The following SLC6A12 variants were observed in gnomAD, a reference collection of about 807,000 sequenced individuals.
SLC6A12 encodes the protein sodium- and chloride-dependent betaine transporter.
SLC6A12 carries 50 observed loss-of-function variants against 73.3 expected under a neutral mutation model. The observed-to-expected ratio is 0.68, with a 90% CI of 0.54 to 0.86. The LOEUF is 0.86. Ranked by LOEUF, SLC6A12 falls within the 40% of genes least tolerant of loss-of-function variation. The probability of loss-of-function intolerance (pLI) is 0.00; values close to 1 mark genes in which losing one functional copy is unlikely to be tolerated. For missense variants in SLC6A12, 648 were observed against 772.8 expected, an observed-to-expected ratio of 0.84 and a Z score of 1.92; for synonymous variants, 304 against 309.2, an observed-to-expected ratio of 0.98 and a Z score of 0.18.
intron 14 of SLC6A12, among the ~76,000 whole-genome samples, 169 bp from the exon 15 acceptor site, chr12:192,817 AGACGGAGACAGGAGGC>A (rs1167203392): frequency 6.0e-5 from 9 of 151,060 alleles, no homozygotes; most frequent in Admixed American, 3.3e-4. Context: ...TTCACATCAC[AGACGGAGACAGGAGGC>A]GATACAAAGG....
chr12:206,619 G>A (rs774327270), intron 3 of SLC6A12, among the ~76,000 whole-genome samples: 2 of 152,206 alleles, frequency 1.3e-5, no homozygotes, highest in Non-Finnish European at 2.9e-5. Flanking sequence ...TTGTCTTCTG[G>A]ATCCCAGGGA....
rs1452680989 is a variant in SLC6A12 at position 197,985 on chromosome 12, T to C, written c.865A>G (p.Thr289Ala). ...ATGGCAAAGGAGAAGAAGATCTGGG[T>C]GCCCGCATCCATCCACACCTACACA... ...KDPQVWMDAG[T>A]QIFFSFAICQ... The change falls in exon 9 of 16, where the codon ACC becomes GCC. Residue 289 changes from threonine to alanine, a missense_variant. Coordinates refer to ENST00000684302, the MANE Select transcript of SLC6A12 (RefSeq NM_001122848.3). 3.7e-6 allele frequency: 6 copies of C among 1,612,814 alleles called. No individual in the cohort carries two copies. Among genetic ancestry groups the C allele is most frequent in the African/African-American group, 1.3e-5 (1 of 74,398 alleles).
At chr12:208,258 C>A (rs1940747898) in intron 3 of SLC6A12, among the ~76,000 whole-genome samples, 1 of 152,304 alleles carries the variant, frequency 6.6e-6, no homozygotes, top group East Asian at 1.9e-4. Context: ...ATCTTGCCTC[C>A]CCTGACTTTC....
In SLC6A12 at chr12:196,214, G is replaced by A. The variant is rs902947194; in HGVS notation, c.1236C>T (p.Pro412=). 6 of 1,600,444 alleles carry A rather than the reference G, an allele frequency of 3.7e-6. No homozygotes were observed. The highest frequency in any genetic ancestry group is 5.1e-6 in the Non-Finnish European group (6 of 1,174,866). The change falls in exon 12 of 16, where the codon CCC becomes CCT. Residue 412 remains proline (P), a synonymous_variant. Coordinates refer to ENST00000684302, the MANE Select transcript of SLC6A12 (RefSeq NM_001122848.3). The part of the protein sequence containing the change: ...CLVTASIDMF[P]RQLRKSGRRE... ...GCCGCCCGCTCTTCCGGAGCTGCCT[G>A]GGGAACATGTCTATGGAGGCTGTCA...
intron 10 of SLC6A12, among the ~76,000 whole-genome samples, chr12:197,164 TC>T (rs1939938137): frequency 1.1e-5 from 1 of 87,194 alleles, no homozygotes; most frequent in Non-Finnish European, 2.6e-5. Context: ...CATCCATCCA[TC>T]CATCCATCCA....
intron 4 of SLC6A12, chr12:203,219 G>C (rs1391346884): frequency 1.7e-5 from 3 of 177,890 alleles, no homozygotes; most frequent in African/African-American, 7.1e-5. Flanking sequence ...GACAGACCCG[G>C]CTAATTTTAA....
chr12:184,968 A>C, the SLC6A12 span, among the ~76,000 whole-genome samples: 1 of 152,016 alleles, frequency 6.6e-6, no homozygotes, highest in Admixed American at 6.6e-5. Context: ...ATACTTCCTA[A>C]TGAAATGTTA....
Position 201,853 on chromosome 12 carries a change from T to C in SLC6A12, c.491-4A>G, listed in dbSNP as rs758788116. On this transcript the variant is annotated splice_polypyrimidine_tract_variant and splice_region_variant and intron_variant, in intron 5 of 15. Transcript: ENST00000684302. ...TTCAGAAAGTCCGTGCAATGCTCTG[T>C]TGGGGACAAGGTTAGGGACAAGATG... 6 of 1,613,370 alleles carry C rather than the reference T, an allele frequency of 3.7e-6. No individual in the cohort carries two copies. Among genetic ancestry groups the C allele is most frequent in the Non-Finnish European group, 5.1e-6 (6 of 1,179,326 alleles).
intron 1 of SLC6A12, among the ~76,000 whole-genome samples, chr12:212,504 G>A (rs546758035): frequency 7.2e-5 from 11 of 152,290 alleles, no homozygotes; most frequent in Middle Eastern, 3.4e-3. Context: ...CGACACTGAC[G>A]CAACATGATT....
At chr12:201,738 G>A (rs1476833440) in intron 6 of SLC6A12, 24 bp downstream of exon 6, 9 of 1,585,628 alleles carry the variant, frequency 5.7e-6, no homozygotes, top group Non-Finnish European at 6.9e-6. Flanking sequence ...CTCTTCATAT[G>A]TGGCAAATGG....
chr12:204,659 C>T lies in SLC6A12; in HGVS notation c.254G>A (p.Cys85Tyr), dbSNP rs1408085128. The change falls in exon 4 of 16, where the codon TGC becomes TAC. Residue 85 changes from cysteine to tyrosine, a missense_variant. Coordinates refer to ENST00000684302, the MANE Select transcript of SLC6A12 (RefSeq NM_001122848.3). ...CTCCAGGAAGAACACCGGGATGCCGCAGACAAAGAAGAAGATGAAGTAGGG... is the reference window on the plus strand; with the variant it reads ...CTCCAGGAAGAACACCGGGATGCCGTAGACAAAGAAGAAGATGAAGTAGGG... ...FIPYFIFFFVCGIPVFFLEVA... is the reference protein window; with the variant it reads ...FIPYFIFFFVYGIPVFFLEVA... 1 of 1,614,068 alleles carries T rather than the reference C, an allele frequency of 6.2e-7. No individual in the cohort carries two copies. Among genetic ancestry groups the T allele is most frequent in the Non-Finnish European group, 8.5e-7 (1 of 1,180,030 alleles).
rs71045048 is a variant in SLC6A12, at chr12:197,206, C to CTCTTTCTCATGGTA, written c.1075+170_1075+171insTACCATGAGAAAGA. Among the ~76,000 whole-genome samples the CTCTTTCTCATGGTA allele has an allele frequency of 1.2e-4, 5 of 43,016 alleles. 1 individual carries two copies. The highest frequency in any genetic ancestry group is 1.1e-4 in the Non-Finnish European group (2 of 18,632). The allele number at this position is 43,016 out of a possible 152,430, so 28.2% of individuals were successfully genotyped here. On this transcript the variant is annotated intron_variant, in intron 10 of 15. Coordinates refer to ENST00000684302, the MANE Select transcript of SLC6A12 (RefSeq NM_001122848.3). ...CCATCCATCCATCCATTCATCCATC[C>CTCTTTCTCATGGTA]ATGGAAGCCCTGCTTTGTGCTAAGC...
At chr12:192,404 T>C (rs543757957) in intron 15 of SLC6A12, 74 bp downstream of exon 15, 5 of 1,349,830 alleles carry the variant, frequency 3.7e-6, no homozygotes, top group East Asian at 2.3e-5. Context: ...CTGGCCCCAG[T>C]TGTGTGTCCT....
chr12:184,031 T>C, the SLC6A12 span, among the ~76,000 whole-genome samples: 2 of 152,126 alleles, frequency 1.3e-5, no homozygotes, highest in Non-Finnish European at 2.9e-5. Flanking sequence ...CAATCTTGTT[T>C]ATGGGCATAA....
intron 12 of SLC6A12, 114 bp downstream of exon 12, chr12:196,010 C>A: frequency 1.1e-6 from 1 of 952,326 alleles, no homozygotes; most frequent in Non-Finnish European, 1.6e-6. Flanking sequence ...GCAGGGCAGG[C>A]GTTCACACCC....
At chr12:207,965 A>AGGCCAC (rs1022500918) in intron 3 of SLC6A12, among the ~76,000 whole-genome samples, 2 of 152,202 alleles carry the variant, frequency 1.3e-5, no homozygotes, top group African/African-American at 4.8e-5. Flanking sequence ...GCCAGGACAG[A>AGGCCAC]GGCCACAGCC....
intron 13 of SLC6A12, among the ~76,000 whole-genome samples, chr12:194,644 C>T (rs796720996): frequency 2.3e-4 from 35 of 152,372 alleles, no homozygotes; most frequent in African/African-American, 7.9e-4. Context: ...TGGTGTAGGA[C>T]ATGGTCACCC....
At chr12:211,154 A>T (rs2137218135) in intron 2 of SLC6A12, 1 of 152,314 alleles carries the variant, frequency 6.6e-6, no homozygotes, top group East Asian at 1.9e-4. Flanking sequence ...GTATTGAGGG[A>T]ATCAAAGCGA....
chr12:195,934 C>G (rs1939837123), intron 12 of SLC6A12, among the ~76,000 whole-genome samples, 190 bp downstream of exon 12: 1 of 152,202 alleles, frequency 6.6e-6, no homozygotes, highest in Admixed American at 6.5e-5. Context: ...CTGTATTGGT[C>G]ACCTGCAACC....
Sources: allele counts gnomAD v4.1 joint callset (sites outside exome capture counted in the v4.1 genomes callset), GRCh38; gene constraint gnomAD v4.1.1; transcripts MANE v1.5; gene names NCBI Gene and HGNC (gene_info 2026-07-23, HGNC 2026-07-21).